Variants in LY86 observed in about 807,000 individuals in gnomAD.
The protein encoded by LY86 is MD-1, RP105-associated.
A neutral mutation model predicts 17.3 loss-of-function variants in LY86; 20 were observed. The observed-to-expected ratio is 1.15, with a 90% CI of 0.81 to 1.68. LY86 has a LOEUF of 1.68. Ranked by LOEUF, LY86 falls within the 40% of genes most tolerant of loss-of-function variation. LY86 has a pLI of 0.00. For missense variants in LY86, 200 were observed against 191.9 expected, an observed-to-expected ratio of 1.04 and a Z score of -0.25; for synonymous variants, 74 against 70.6, an observed-to-expected ratio of 1.05 and a Z score of -0.24.
rs188664909 is a variant in LY86, at chr6:6,642,401, G to T, written c.353-7224G>T. Among the ~76,000 whole-genome samples the T allele has an allele frequency of 1.7e-3, 264 of 152,320 alleles. 3 individuals carry two copies. The highest frequency in any genetic ancestry group is 6.0e-3 in the African/African-American group (250 of 41,566). On this transcript the variant is annotated intron_variant, in intron 3 of 4. Transcript: ENST00000230568. ...TCAGAGGATAAGAGTTGAATGGCCCGGGAGCTTGAGGAGATGCCAAATTAG... is the reference window on the plus strand; with the variant it reads ...TCAGAGGATAAGAGTTGAATGGCCCTGGAGCTTGAGGAGATGCCAAATTAG...
chr6:6,606,266 G>C (rs1299231634), intron 1 of LY86, among the ~76,000 whole-genome samples: 1 of 152,188 alleles, frequency 6.6e-6, no homozygotes, highest in Admixed American at 6.5e-5. Flanking sequence ...GGCCCCACCA[G>C]AGTAGCTAAA....
chr6:6,604,310 G>A (rs1248242704), intron 1 of LY86, among the ~76,000 whole-genome samples: 1 of 151,710 alleles, frequency 6.6e-6, no homozygotes, highest in Non-Finnish European at 1.5e-5. Context: ...AGAAATAAAA[G>A]ATACAGTATA....
intron 1 of LY86, among the ~76,000 whole-genome samples, chr6:6,595,229 TAGG>T (rs1188241834): frequency 9.9e-6 from 1 of 101,046 alleles, no homozygotes; most frequent in Non-Finnish European, 2.0e-5. Context: ...GGAAAAGGAG[TAGG>T]AGGAGGGAAG....
chr6:6,613,753 G>T (rs557156922), intron 1 of LY86, among the ~76,000 whole-genome samples: 114 of 152,358 alleles, frequency 7.5e-4, no homozygotes, highest in African/African-American at 2.6e-3. Context: ...CGCCAAGGCC[G>T]AGGAGGCCCC....
intron 1 of LY86, among the ~76,000 whole-genome samples, chr6:6,606,487 G>C (rs911149969): frequency 2.6e-5 from 4 of 152,328 alleles, no homozygotes; most frequent in Middle Eastern, 3.4e-3. Flanking sequence ...CTCAGCCCTT[G>C]GGTGGTCGAT....
chr6:6,595,158 G>A (rs1561774253), intron 1 of LY86, among the ~76,000 whole-genome samples: 3 of 145,206 alleles, frequency 2.1e-5, no homozygotes, highest in Admixed American at 2.0e-4. Flanking sequence ...GAGGAGGAGA[G>A]AAAAGAGCGG....
At chr6:6,605,658 T>C (rs1043600769) in intron 1 of LY86, among the ~76,000 whole-genome samples, 2 of 152,258 alleles carry the variant, frequency 1.3e-5, no homozygotes, top group South Asian at 2.1e-4. Flanking sequence ...TTCTACTGTG[T>C]CTGGAATTGA....
intron 1 of LY86, among the ~76,000 whole-genome samples, chr6:6,593,798 G>T (rs3761985): frequency 0.84 from 128,279 of 152,144 alleles, 54,152 homozygotes; most frequent in Middle Eastern, 0.94. Flanking sequence ...TCTACTGAGA[G>T]GCCATGGTGA....
intron 1 of LY86, among the ~76,000 whole-genome samples, chr6:6,597,437 G>C (rs1455389647): frequency 6.6e-6 from 1 of 152,150 alleles, no homozygotes; most frequent in African/African-American, 2.4e-5. Context: ...GAACAAGGCG[G>C]GGTTTTCACT....
At chr6:6,612,448 G>A (rs144794754) in intron 1 of LY86, among the ~76,000 whole-genome samples, 180 of 152,272 alleles carry the variant, frequency 1.2e-3, no homozygotes, top group Middle Eastern at 3.4e-3. Flanking sequence ...CCTTCATGGG[G>A]AGTGTTACAC....
At chr6:6,651,436 C>T (rs775041495) in intron 4 of LY86, among the ~76,000 whole-genome samples, 1 of 152,180 alleles carries the variant, frequency 6.6e-6, no homozygotes, top group Non-Finnish European at 1.5e-5. Flanking sequence ...AGCCCTCTCC[C>T]TCTGGAAATC....
At chr6:6,612,241 G>C (rs551086318) in intron 1 of LY86, among the ~76,000 whole-genome samples, 7 of 152,260 alleles carry the variant, frequency 4.6e-5, no homozygotes, top group South Asian at 2.1e-4. Flanking sequence ...GGCGTGTCCA[G>C]AGTTTATTCC....
intron 3 of LY86, among the ~76,000 whole-genome samples, chr6:6,639,253 T>C (rs950208004): frequency 6.6e-6 from 1 of 152,160 alleles, no homozygotes; most frequent in Non-Finnish European, 1.5e-5. Flanking sequence ...CCAAGCACTT[T>C]CTCTTCTGCT....
chr6:6,626,541 C>T (rs2113141987), intron 3 of LY86, 120 bp downstream of exon 3: 1 of 994,886 alleles, frequency 1.0e-6, no homozygotes. Context: ...TTTGGACGAG[C>T]TTATCCTCAC....
At chr6:6,615,026 A>C (rs1281472345) in intron 1 of LY86, among the ~76,000 whole-genome samples, 1 of 152,182 alleles carries the variant, frequency 6.6e-6, no homozygotes, top group Non-Finnish European at 1.5e-5. Context: ...TTGTAAGGAG[A>C]TTTCTTAGGA....
At chr6:6,638,092 C>G (rs1240471057) in intron 3 of LY86, among the ~76,000 whole-genome samples, 1 of 152,186 alleles carries the variant, frequency 6.6e-6, no homozygotes, top group Admixed American at 6.5e-5. Flanking sequence ...TCCTCAGCAA[C>G]GACTAAATAG....
chr6:6,601,773 T>C (rs1173010927), intron 1 of LY86, among the ~76,000 whole-genome samples: 2 of 151,980 alleles, frequency 1.3e-5, no homozygotes, highest in African/African-American at 4.8e-5. Context: ...GGGACCATGG[T>C]GCTTGCCTCA....
intron 1 of LY86, among the ~76,000 whole-genome samples, chr6:6,596,536 A>C (rs1227603479): frequency 6.6e-6 from 1 of 152,268 alleles, no homozygotes; most frequent in Non-Finnish European, 1.5e-5. Flanking sequence ...TAGGAAAAGT[A>C]GACAAATAGC....
chr6:6,601,046 CTTTG>C (rs1019450969), intron 1 of LY86, among the ~76,000 whole-genome samples: 13 of 152,156 alleles, frequency 8.5e-5, no homozygotes, highest in East Asian at 3.8e-4. Flanking sequence ...GCCAGTGGCC[CTTTG>C]TTTATTTCAA....
Sources: allele counts gnomAD v4.1 joint callset (sites outside exome capture counted in the v4.1 genomes callset), GRCh38; gene constraint gnomAD v4.1.1; transcripts MANE v1.5; gene names NCBI Gene and HGNC (gene_info 2026-07-23, HGNC 2026-07-21).